Variants in SYNE2 observed in about 807,000 individuals in gnomAD.
SYNE2 encodes the protein nesprin-2.
A neutral mutation model predicts 856.3 loss-of-function variants in SYNE2; 431 were observed. That is an observed-to-expected ratio of 0.50 (90% CI 0.47 to 0.55). The LOEUF (loss-of-function observed/expected upper bound fraction) is 0.55, where lower values mean the gene tolerates loss of function less well. Ranked by LOEUF, SYNE2 falls within the 20% of genes least tolerant of loss-of-function variation. The pLI is 0.00. For synonymous variants in SYNE2, 2,923 were observed against 2,872.3 expected (o/e 1.02, Z -0.56); for missense variants, 8,129 against 8,023.2 (o/e 1.01, Z -0.50).
At chr14:64,097,790 G>T (rs532916632) in intron 61 of SYNE2, among the ~76,000 whole-genome samples, 159 bp from the exon 62 acceptor site, 1 of 152,328 alleles carries the variant, frequency 6.6e-6, no homozygotes, top group South Asian at 2.1e-4. Context: ...ATTGTATCCA[G>T]GATGGAAAGG....
At position 63,835,566 on chromosome 14, in the gene SYNE2, C is replaced by CGTGT. The variant is rs10557777; in HGVS notation, c.-304-16910_-304-16907dup. Among the ~76,000 whole-genome samples the CGTGT allele has an allele frequency of 3.2e-3, 483 of 149,464 alleles. 1 individual carries two copies. Among genetic ancestry groups the CGTGT allele is most frequent in the African/African-American group, 0.011 (430 of 40,714 alleles). ...GTACATATCTTAATGTAGATATTTG[C>CGTGT]GTGTGTGTGTGTGTGTGTGTGTGTG... is the stretch of plus-strand genomic sequence containing the variant. On this transcript the variant is annotated intron_variant, in intron 1 of 23. Coordinates refer to the SYNE2 transcript ENST00000674003.
chr14:63,860,975 T>C (rs970124827), intron 1 of SYNE2, among the ~76,000 whole-genome samples: 1 of 151,830 alleles, frequency 6.6e-6, no homozygotes, highest in Non-Finnish European at 1.5e-5. Context: ...CTATTGAGTA[T>C]AACCTTGACA....
At position 64,070,799 on chromosome 14, in the gene SYNE2, C is replaced by T; in HGVS notation, c.10586C>T (p.Thr3529Ile). 1 of 1,614,206 alleles carries T rather than the reference C, an allele frequency of 6.2e-7. No individual in the cohort carries two copies. The highest frequency in any genetic ancestry group is 1.6e-4 in the Middle Eastern group (1 of 6,062). Residue 3529 changes from threonine (T) to isoleucine (I), a missense_variant, in exon 52 of 116, where the codon ACT (threonine) becomes ATT (isoleucine). This residue lies in a region of SYNE2 where 5,410 missense variants were observed against 5,284.8 expected (regional missense o/e 1.02). Coordinates refer to ENST00000555002, the MANE Select transcript of SYNE2 (RefSeq NM_182914.3). ...GTGGAGAAGCAACAGCTGTTACTGA[C>T]TCTACTTCTTCAGCGCATCAGAAGT... is the stretch of plus-strand genomic sequence containing the variant. ...ENVEKQQLLL[T>I]LLLQRIRSIQ... is the part of the protein sequence containing the mutation.
intron 96 of SYNE2, among the ~76,000 whole-genome samples, chr14:64,179,147 C>CT (rs2098447443): frequency 6.6e-6 from 1 of 150,948 alleles, no homozygotes; most frequent in Non-Finnish European, 1.5e-5. Flanking sequence ...ATTTTTTTTT[C>CT]TTTTTTTAAG....
intron 1 of SYNE2, among the ~76,000 whole-genome samples, chr14:63,830,840 C>CTTTTTTT (rs11427202): frequency 1.8e-4 from 20 of 108,690 alleles, no homozygotes; most frequent in East Asian, 5.2e-4. Context: ...TGATCCCATT[C>CTTTTTTT]TTTTTTTTTT....
Position 64,089,586 on chromosome 14 carries a change from A to G in SYNE2, c.11683A>G (p.Ile3895Val), listed in dbSNP as rs755879101. Residue 3895 changes from isoleucine (I) to valine (V), a missense_variant, in exon 59 of 116, where the codon ATT becomes GTT. Physicochemically the swap from Ile to Val is conservative, Grantham distance 29. Around this residue, in one of 3 missense-constraint regions of SYNE2, gnomAD observed 5,410 missense variants for 5,284.8 expected, o/e 1.02. Transcript: ENST00000555002. ...IQRMADDVVA[I>V]ESEVKSMEKR... ...TCTGAAATTCTAGGATGTGGTTGCT[A>G]TTGAATCTGAAGTAAAATCAATGGA... 2.5e-6 allele frequency: 4 copies of G among 1,609,938 alleles called. No individual in the cohort carries two copies. The highest frequency in any genetic ancestry group is 2.2e-5 in the East Asian group (1 of 44,672).
At chr14:63,919,669 G>T (rs1383245300) in intron 2 of SYNE2, among the ~76,000 whole-genome samples, 1 of 152,202 alleles carries the variant, frequency 6.6e-6, no homozygotes, top group Non-Finnish European at 1.5e-5. Flanking sequence ...GGAAAAGCAG[G>T]TGAACGCAAT....
chr14:64,191,723 C>G (rs988724073), intron 99 of SYNE2, among the ~76,000 whole-genome samples: 41 of 152,152 alleles, frequency 2.7e-4, no homozygotes, highest in African/African-American at 9.7e-4. Context: ...GGGGATTTGG[C>G]TGGCAACATA....
At chr14:63,908,231 A>G (rs2095431850) in intron 1 of SYNE2, among the ~76,000 whole-genome samples, 1 of 152,188 alleles carries the variant, frequency 6.6e-6, no homozygotes, top group Non-Finnish European at 1.5e-5. Flanking sequence ...GAATACCTAT[A>G]GGGTCAACAC....
At position 64,119,337 on chromosome 14, in the gene SYNE2, T is replaced by G. The variant is rs1318012127; in HGVS notation, c.12841-90T>G. The G allele has an allele frequency of 1.4e-5, 21 of 1,525,912 alleles. No individual in the cohort carries two copies. In the East Asian group the frequency reaches 4.1e-4, roughly 29 times the overall value. 94.5% of individuals were successfully genotyped at this position (1,525,912 alleles called of 1,614,324 possible). On this transcript the variant is annotated intron_variant, in intron 66 of 115. Transcript: ENST00000555002. ...GTTTCTGGGACTTCTTGTATACACTTAAGTAAAAAGAGTAAGTCTTAACTT... is the reference window on the plus strand; with the variant it reads ...GTTTCTGGGACTTCTTGTATACACTGAAGTAAAAAGAGTAAGTCTTAACTT...
Position 64,208,874 on chromosome 14 carries a change from C to T in SYNE2, c.18318C>T (p.Ile6106=). Residue 6106 remains isoleucine (I), a synonymous_variant, in exon 101 of 116, where the codon ATC becomes ATT. Transcript: ENST00000555002. The stretch of plus-strand genomic sequence containing the variant: ...CAAATGAGACCGAGTGTGACTCGAT[C>T]CAGCAGACCACCAGGAGCCTGGACA... ...ACANETECDS[I]QQTTRSLDRR... 6.2e-7 allele frequency: 1 copy of T among 1,614,196 alleles called. No individual in the cohort carries two copies. The highest frequency in any genetic ancestry group is 8.5e-7 in the Non-Finnish European group (1 of 1,180,032).
chr14:63,793,015 T>A (rs1176982675), intron 1 of SYNE2, among the ~76,000 whole-genome samples: 1 of 152,178 alleles, frequency 6.6e-6, no homozygotes, highest in Middle Eastern at 3.2e-3. Context: ...AAATGTAGAA[T>A]ATTATCATAC....
rs750319671 is a variant in SYNE2, at chr14:64,081,426, C to T, written c.11347-17C>T. On this transcript the variant is annotated splice_polypyrimidine_tract_variant and intron_variant, in intron 56 of 115. Transcript: ENST00000555002. ...AAAAGGCATCTGACTAAGTTTGGTCCTGCATCTCTTTCCCAGGCCACAGTT... is the reference window on the plus strand; with the variant it reads ...AAAAGGCATCTGACTAAGTTTGGTCTTGCATCTCTTTCCCAGGCCACAGTT... The T allele has an allele frequency of 1.2e-6, 2 of 1,614,088 alleles. No homozygotes were observed. Among genetic ancestry groups the T allele is most frequent in the South Asian group, 2.2e-5 (2 of 91,080 alleles).
At chr14:63,764,468 G>A (rs1447289369) in intron 1 of SYNE2, among the ~76,000 whole-genome samples, 2 of 151,492 alleles carry the variant, frequency 1.3e-5, no homozygotes, top group Non-Finnish European at 2.9e-5. Context: ...CCAGGAGTTC[G>A]AGACCAGGCT....
At chr14:63,943,128 AT>A (rs932499154) in intron 6 of SYNE2, among the ~76,000 whole-genome samples, 1 of 152,134 alleles carries the variant, frequency 6.6e-6, no homozygotes, top group African/African-American at 2.4e-5. Flanking sequence ...AAGCCTCCCC[AT>A]TTTGGGGGAC....
At chr14:63,969,962 T>TCTACCATTATGAAATATTC (rs1406121152) in intron 11 of SYNE2, among the ~76,000 whole-genome samples, 4 of 152,200 alleles carry the variant, frequency 2.6e-5, no homozygotes, top group African/African-American at 9.6e-5. Context: ...CCTGAGGACT[T>TCTACCATTATGAAATATTC]CTACCATTAT....
chr14:64,226,221 T>A lies in SYNE2; in HGVS notation c.*695T>A, dbSNP rs886050608. The A allele has an allele frequency of 2.0e-5, 3 of 152,694 alleles. No individual in the cohort carries two copies. The highest frequency in any genetic ancestry group is 4.1e-4 in the South Asian group (2 of 4,820). 9.5% of individuals were successfully genotyped at this position (152,694 alleles called of 1,614,324 possible). On this transcript the variant is annotated 3_prime_UTR_variant, in exon 116 of 116. Transcript: ENST00000555002. Reference sequence around the variant, plus strand: ...TTAGATTTTAGCTGGAGCTTTTGACTAATGTAAAGTAAATGCCAAACTACC... The same window carrying A: ...TTAGATTTTAGCTGGAGCTTTTGACAAATGTAAAGTAAATGCCAAACTACC...
chr14:64,076,009 T>TC lies in SYNE2; in HGVS notation c.10932dup (p.Lys3645GlnfsTer14). 6.2e-7 allele frequency: 1 copy of TC among 1,613,910 alleles called. No individual in the cohort carries two copies. The highest frequency in any genetic ancestry group is 8.5e-7 in the Non-Finnish European group (1 of 1,179,852). On this transcript the variant is annotated frameshift_variant, in exon 54 of 116. Coordinates refer to ENST00000555002, the MANE Select transcript of SYNE2 (RefSeq NM_182914.3). LOFTEE classifies it high-confidence loss of function. ...GAGAATATTATGGAAAAACTGCGAA[T>TC]CAAGTATTCCGAAATGTACACCATA...
At chr14:64,090,630 AGTT>A (rs1347123822) in intron 59 of SYNE2, among the ~76,000 whole-genome samples, 2 of 152,206 alleles carry the variant, frequency 1.3e-5, no homozygotes, top group Non-Finnish European at 2.9e-5. Flanking sequence ...AGGAAGAAAA[AGTT>A]GTCCAAATGC....
Sources: allele counts gnomAD v4.1 joint callset (sites outside exome capture counted in the v4.1 genomes callset), GRCh38; gene constraint gnomAD v4.1.1; regional missense constraint gnomAD v4.1.1; transcripts MANE v1.5; gene names NCBI Gene and HGNC (gene_info 2026-07-23, HGNC 2026-07-21).